The following NELL1 variants were observed in gnomAD, a reference collection of about 807,000 sequenced individuals.
NELL1 encodes protein kinase C-binding protein NELL1.
NELL1 carries 76 observed loss-of-function variants against 107.4 expected under a neutral mutation model. The observed-to-expected ratio is 0.71, with a 90% CI of 0.59 to 0.86. The LOEUF is 0.86. Ranked by LOEUF, NELL1 falls within the 40% of genes least tolerant of loss-of-function variation. The pLI, the probability that NELL1 is intolerant of heterozygous loss-of-function variation, is 0.00. For missense variants in NELL1, 1,024 were observed against 1,005.5 expected (o/e 1.02, Z -0.25); for synonymous variants, 353 against 341.2 (o/e 1.03, Z -0.38).
At chr11:21,511,132 T>C (rs1044800942) in intron 15 of NELL1, among the ~76,000 whole-genome samples, 1 of 152,004 alleles carries the variant, frequency 6.6e-6, no homozygotes, top group African/African-American at 2.4e-5. Flanking sequence ...TGGCAGAGTG[T>C]GTGCTAGGTG....
intron 13 of NELL1, among the ~76,000 whole-genome samples, chr11:21,218,309 G>A (rs1293046038): frequency 1.3e-5 from 2 of 152,000 alleles, no homozygotes; most frequent in African/African-American, 4.8e-5. Context: ...ACTATTAGCT[G>A]TAAAAGAAAG....
chr11:20,759,419 T>A (rs1295640383), intron 2 of NELL1, among the ~76,000 whole-genome samples: 2 of 152,208 alleles, frequency 1.3e-5, no homozygotes, highest in African/African-American at 2.4e-5. Context: ...GTTGTGAGAC[T>A]CAGTGTCACC....
At chr11:21,113,186 G>T (rs919876108) in intron 12 of NELL1, among the ~76,000 whole-genome samples, 2 of 151,816 alleles carry the variant, frequency 1.3e-5, no homozygotes, top group South Asian at 4.2e-4. Context: ...AAGCAGAGAG[G>T]GGCTGGATTC....
intron 2 of NELL1, among the ~76,000 whole-genome samples, chr11:20,755,559 T>TATTTTTTTTTTTTATTTA (rs1554914196): frequency 4.1e-3 from 72 of 17,674 alleles, no homozygotes; most frequent in African/African-American, 7.5e-3. Context: ...TGTTTTTGTT[T>TATTTTTTTTTTTTATTTA]TTGTTTTTTT....
chr11:20,711,820 C>T (rs1855120275), intron 2 of NELL1, among the ~76,000 whole-genome samples: 1 of 152,130 alleles, frequency 6.6e-6, no homozygotes, highest in African/African-American at 2.4e-5. Flanking sequence ...AAATTCTTTA[C>T]TTCATCTTGA....
intron 13 of NELL1, among the ~76,000 whole-genome samples, chr11:21,209,581 AT>A (rs1240846501): frequency 1.3e-5 from 2 of 151,962 alleles, no homozygotes; most frequent in Non-Finnish European, 2.9e-5. Flanking sequence ...CTCCTTAATA[AT>A]TTTTAACAGT....
intron 11 of NELL1, among the ~76,000 whole-genome samples, chr11:20,957,097 T>A (rs1464889671): frequency 1.3e-5 from 2 of 152,118 alleles, no homozygotes; most frequent in African/African-American, 4.8e-5. Context: ...GAGTCTCTGG[T>A]GGTTTAAAAT....
rs528465378 is a variant in NELL1 at position 20,803,752 on chromosome 11, A to T, written c.335+19922A>T. Among the ~76,000 whole-genome samples, 31 of 152,254 alleles carry T rather than the reference A, an allele frequency of 2.0e-4. No individual in the cohort carries two copies. In the South Asian group the frequency reaches 5.6e-3, roughly 28 times the overall value. On this transcript the variant is annotated intron_variant, in intron 3 of 19. Transcript: ENST00000357134. The stretch of plus-strand genomic sequence containing the variant: ...CAAAGTATTGATCCTGGGTGTGTCT[A>T]TGAGGGTGTTGCCAAAGGAGATTAA...
At chr11:20,911,252 G>A (rs1363354088) in intron 5 of NELL1, among the ~76,000 whole-genome samples, 1 of 152,168 alleles carries the variant, frequency 6.6e-6, no homozygotes, top group African/African-American at 2.4e-5. Flanking sequence ...GGAATGTAGA[G>A]GACAGAACCA....
chr11:20,757,199 CCATA>C (rs985119611), intron 2 of NELL1, among the ~76,000 whole-genome samples: 1 of 151,066 alleles, frequency 6.6e-6, no homozygotes, highest in African/African-American at 2.4e-5. Flanking sequence ...AATTGTGATA[CCATA>C]TATATATGTA....
At chr11:21,228,386 TACATGGCAGGCAGATACGCA>T (rs1162638834) in intron 13 of NELL1, among the ~76,000 whole-genome samples, 1 of 152,128 alleles carries the variant, frequency 6.6e-6, no homozygotes, top group Non-Finnish European at 1.5e-5. Context: ...CCCATATCAC[TACATGGCAGGCAGATACGCA>T]GAGGTTAGAT....
chr11:20,687,723 C>G (rs1003240051), intron 2 of NELL1, among the ~76,000 whole-genome samples: 1 of 151,966 alleles, frequency 6.6e-6, no homozygotes, highest in Non-Finnish European at 1.5e-5. Context: ...TCCTGAGTAG[C>G]TGGGATTACA....
chr11:21,376,405 CTCTG>C (rs1277522890), intron 15 of NELL1, among the ~76,000 whole-genome samples: 1 of 151,708 alleles, frequency 6.6e-6, no homozygotes, highest in Non-Finnish European at 1.5e-5. Flanking sequence ...CCATTGGTCT[CTCTG>C]TCTTTTTTTA....
chr11:21,556,876 A>G (rs1033708366), intron 16 of NELL1, among the ~76,000 whole-genome samples: 24 of 151,980 alleles, frequency 1.6e-4, no homozygotes, highest in African/African-American at 5.8e-4. Context: ...ATGATAATAG[A>G]TTTGAGTACG....
intron 15 of NELL1, among the ~76,000 whole-genome samples, chr11:21,444,890 G>T (rs1853380711): frequency 6.6e-6 from 1 of 151,972 alleles, no homozygotes; most frequent in South Asian, 2.1e-4. Flanking sequence ...GATTTTCTCT[G>T]GTAGTGTGTT....
intron 2 of NELL1, among the ~76,000 whole-genome samples, chr11:20,698,203 C>T (rs1027388742): frequency 5.3e-5 from 8 of 152,250 alleles, no homozygotes; most frequent in African/African-American, 1.2e-4. Context: ...TCAAGCTAGC[C>T]GTGAGAGTGG....
chr11:21,395,315 A>G (rs577994256), intron 15 of NELL1, among the ~76,000 whole-genome samples: 28 of 151,666 alleles, frequency 1.8e-4, no homozygotes, highest in Middle Eastern at 3.4e-3. Flanking sequence ...GTTAAGAAGA[A>G]TTCTGTGTTT....
At position 21,231,452 on chromosome 11, in the gene NELL1, A is replaced by T. The variant is rs146563214; in HGVS notation, c.1549+1998A>T. Among the ~76,000 whole-genome samples the T allele has an allele frequency of 2.1e-3, 316 of 152,320 alleles. 1 individual carries two copies. Among genetic ancestry groups the T allele is most frequent in the Middle Eastern group, 0.01 (3 of 294 alleles). On this transcript the variant is annotated intron_variant, in intron 14 of 19. Coordinates refer to ENST00000357134, the MANE Select transcript of NELL1 (RefSeq NM_006157.5). The stretch of plus-strand genomic sequence containing the variant: ...CTCAGCTTTTTTAAAAGGCTAAGGA[A>T]ATTTCCAAAGCAAAACAAGGAAACA...
At chr11:20,960,723 C>T (rs1188400268) in intron 12 of NELL1, among the ~76,000 whole-genome samples, 163 bp downstream of exon 12, 1 of 152,162 alleles carries the variant, frequency 6.6e-6, no homozygotes, top group Admixed American at 6.6e-5. Context: ...CTGGTTTATC[C>T]ATGCTGCTCA....
Sources: allele counts gnomAD v4.1 joint callset (sites outside exome capture counted in the v4.1 genomes callset), GRCh38; gene constraint gnomAD v4.1.1; transcripts MANE v1.5; gene names NCBI Gene and HGNC (gene_info 2026-07-23, HGNC 2026-07-21).